GALNTL6: variants seen among roughly 807,000 people sequenced by gnomAD.
GALNTL6 encodes the protein polypeptide N-acetylgalactosaminyltransferase-like 6.
In GALNTL6, 46 loss-of-function variants were observed where a neutral mutation model predicts 73.7. That is an observed-to-expected ratio of 0.62 (90% CI 0.49 to 0.80). The LOEUF is 0.80. GALNTL6 is among the 30% of genes least tolerant of loss of function. The pLI is 0.00. For missense variants in GALNTL6, 604 were observed against 755.0 expected, an observed-to-expected ratio of 0.80 and a Z score of 2.34; for synonymous variants, 259 against 263.7, an observed-to-expected ratio of 0.98 and a Z score of 0.17.
At chr4:172,959,958 C>G (rs950823727) in intron 10 of GALNTL6, among the ~76,000 whole-genome samples, 1 of 152,048 alleles carries the variant, frequency 6.6e-6, no homozygotes, top group African/African-American at 2.4e-5. Context: ...AATTGCAACT[C>G]AGAAATACAT....
At chr4:172,293,335 G>A (rs1251300298) in intron 3 of GALNTL6, among the ~76,000 whole-genome samples, 1 of 151,914 alleles carries the variant, frequency 6.6e-6, no homozygotes, top group Non-Finnish European at 1.5e-5. Flanking sequence ...CATAATAAAT[G>A]GCATATGTTC....
intron 2 of GALNTL6, among the ~76,000 whole-genome samples, chr4:171,866,807 TG>T (rs1199441644): frequency 6.6e-6 from 1 of 152,172 alleles, no homozygotes; most frequent in Non-Finnish European, 1.5e-5. Context: ...TTTTTCATAA[TG>T]GCATTAATCC....
chr4:172,653,170 T>C (rs2111156952), intron 5 of GALNTL6, among the ~76,000 whole-genome samples: 1 of 152,014 alleles, frequency 6.6e-6, no homozygotes, highest in Non-Finnish European at 1.5e-5. Flanking sequence ...CAACAAATTT[T>C]GTCCTTCGTT....
chr4:172,757,436 A>T (rs182129318), intron 5 of GALNTL6, among the ~76,000 whole-genome samples: 21 of 152,328 alleles, frequency 1.4e-4, no homozygotes, highest in African/African-American at 4.6e-4. Context: ...AACAGCCCTG[A>T]GAGTTAAGAC....
At chr4:172,789,900 A>T (rs1309631843) in intron 5 of GALNTL6, among the ~76,000 whole-genome samples, 1 of 152,248 alleles carries the variant, frequency 6.6e-6, no homozygotes, top group Non-Finnish European at 1.5e-5. Flanking sequence ...AGGCTATGGG[A>T]GTTATGAGCC....
At chr4:171,848,441 A>T (rs1201176752) in intron 2 of GALNTL6, among the ~76,000 whole-genome samples, 1 of 152,166 alleles carries the variant, frequency 6.6e-6, no homozygotes, top group Non-Finnish European at 1.5e-5. Flanking sequence ...CTGTAACAAG[A>T]GAGTCAGCTT....
intron 5 of GALNTL6, among the ~76,000 whole-genome samples, chr4:172,651,023 G>A (rs2111150540): frequency 6.6e-6 from 1 of 152,212 alleles, no homozygotes; most frequent in East Asian, 1.9e-4. Context: ...CAGATTTACT[G>A]TATTCATGTT....
intron 5 of GALNTL6, among the ~76,000 whole-genome samples, chr4:172,500,611 A>G (rs1734227334): frequency 6.6e-6 from 1 of 152,152 alleles, no homozygotes; most frequent in Non-Finnish European, 1.5e-5. Context: ...TTCCATGTCT[A>G]GCAAAAATAA....
chr4:172,482,030 T>G (rs1733503082), intron 5 of GALNTL6, among the ~76,000 whole-genome samples: 1 of 152,198 alleles, frequency 6.6e-6, no homozygotes, highest in African/African-American at 2.4e-5. Flanking sequence ...GGGAGGCAGC[T>G]GAGGCCAGGT....
intron 2 of GALNTL6, among the ~76,000 whole-genome samples, chr4:171,967,459 T>TGTTTTTTG (rs1560863224): frequency 1.3e-5 from 2 of 151,154 alleles, no homozygotes; most frequent in African/African-American, 4.8e-5. Flanking sequence ...TTTTTTTTTT[T>TGTTTTTTG]TTTTTTGTAG....
At chr4:172,024,649 A>C (rs1169871321) in intron 2 of GALNTL6, among the ~76,000 whole-genome samples, 1 of 151,938 alleles carries the variant, frequency 6.6e-6, no homozygotes, top group African/African-American at 2.4e-5. Flanking sequence ...GTATCATATC[A>C]TTTAGGATAC....
rs146680753 is a variant in GALNTL6, at chr4:172,365,651, C to T, written c.553+16962C>T. On this transcript the variant is annotated intron_variant, in intron 5 of 12. Coordinates refer to ENST00000506823, the MANE Select transcript of GALNTL6 (RefSeq NM_001034845.3). The stretch of plus-strand genomic sequence containing the variant: ...CTTCAAGCCTTGCCTTGCTTATCTC[C>T]AGAGCCCTTCTTATAAATTCGTGAG... Among the ~76,000 whole-genome samples the T allele has an allele frequency of 4.8e-3, 733 of 151,762 alleles. 6 individuals are homozygous for T. The highest frequency in any genetic ancestry group is 0.016 in the African/African-American group (675 of 41,372).
At chr4:172,258,811 AACTTAGCTCTC>A (rs1463757561) in intron 3 of GALNTL6, among the ~76,000 whole-genome samples, 1 of 151,116 alleles carries the variant, frequency 6.6e-6, no homozygotes, top group Admixed American at 6.6e-5. Flanking sequence ...GAGTCCTAAT[AACTTAGCTCTC>A]ACTTATAAGT....
At chr4:172,780,650 G>A (rs1280179447) in intron 5 of GALNTL6, among the ~76,000 whole-genome samples, 2 of 152,208 alleles carry the variant, frequency 1.3e-5, no homozygotes, top group Admixed American at 6.5e-5. Flanking sequence ...CTGTGTCAGT[G>A]TGGATGATGG....
At chr4:172,807,743 A>G (rs1741047643) in intron 5 of GALNTL6, among the ~76,000 whole-genome samples, 2 of 152,206 alleles carry the variant, frequency 1.3e-5, no homozygotes. Flanking sequence ...TGTTACTTAC[A>G]TGAAGAACAA....
chr4:171,919,380 C>G (rs994912197), intron 2 of GALNTL6, among the ~76,000 whole-genome samples: 1 of 152,058 alleles, frequency 6.6e-6, no homozygotes, highest in Admixed American at 6.6e-5. Context: ...CTGACACATG[C>G]TCATCCCCCA....
At chr4:172,832,757 G>C (rs1361045966) in intron 7 of GALNTL6, among the ~76,000 whole-genome samples, 1 of 152,138 alleles carries the variant, frequency 6.6e-6, no homozygotes, top group African/African-American at 2.4e-5. Flanking sequence ...CCGCGGTCTT[G>C]AATATCACCT....
rs534785150 is a variant in GALNTL6, at chr4:172,954,577, CCA to C, written c.1371+2321_1371+2322del. 7.0e-4 allele frequency among the ~76,000 whole-genome samples: 107 copies of C among 152,222 alleles called. 1 individual carries two copies. The highest frequency in any genetic ancestry group is 7.0e-3 in the Admixed American group (107 of 15,292). ...AAACTCTTGGACTCAAGTGATCCTC[CCA>C]CCTCAGCCTTCTGAGTAGCCCAGAC... is the stretch of plus-strand genomic sequence containing the variant. On this transcript the variant is annotated intron_variant, in intron 10 of 12. Transcript: ENST00000506823.
chr4:172,910,527 T>C (rs1747143151), intron 8 of GALNTL6, among the ~76,000 whole-genome samples: 1 of 152,240 alleles, frequency 6.6e-6, no homozygotes, highest in African/African-American at 2.4e-5. Context: ...TGAAGGCCCC[T>C]GACTTTTAAG....
Sources: gnomAD v4.1 joint callset for allele counts (sites outside exome capture counted in the v4.1 genomes callset) on GRCh38, gnomAD v4.1.1 for gene constraint, MANE v1.5 for transcripts, NCBI Gene and HGNC (gene_info 2026-07-23, HGNC 2026-07-21) for gene names.